The following GLT8D2 variants were observed in gnomAD, a reference collection of about 807,000 sequenced individuals.
GLT8D2 encodes the protein glycosyltransferase 8 domain-containing protein 2.
A neutral mutation model predicts 44.5 loss-of-function variants in GLT8D2; 45 were observed. The observed-to-expected ratio is 1.01, with a 90% CI of 0.80 to 1.30. GLT8D2 has a LOEUF of 1.30. GLT8D2 is among the 50% of genes most tolerant of loss of function. GLT8D2 has a pLI of 0.00. For synonymous variants in GLT8D2, 156 were observed against 157.2 expected (o/e 0.99, Z 0.06); for missense variants, 400 against 430.4 (o/e 0.93, Z 0.62).
intron 1 of GLT8D2, chr12:104,030,864 A>C: frequency 1.1e-5 from 18 of 1,573,880 alleles, no homozygotes; most frequent in Non-Finnish European, 1.4e-5. Context: ...TACGACGCCG[A>C]CCTGAGCCCG....
intron 4 of GLT8D2, among the ~76,000 whole-genome samples, chr12:104,009,493 G>T (rs1280747225): frequency 6.6e-6 from 1 of 152,202 alleles, no homozygotes; most frequent in African/African-American, 2.4e-5. Context: ...CAGGCTCATA[G>T]GCAGAAGGAA....
chr12:104,006,325 ATGTAACAAACCTGCACAT>A (rs1379628419), intron 4 of GLT8D2, among the ~76,000 whole-genome samples: 1 of 152,178 alleles, frequency 6.6e-6, no homozygotes, highest in African/African-American at 2.4e-5. Context: ...GTGTATACAT[ATGTAACAAACCTGCACAT>A]TGTGCACATG....
At chr12:103,993,336 T>C in intron 10 of GLT8D2, 56 bp downstream of exon 10, 1 of 1,368,960 alleles carries the variant, frequency 7.3e-7, no homozygotes, top group Non-Finnish European at 1.0e-6. Flanking sequence ...GTCTCAAAAA[T>C]ACAAAAATAA....
chr12:104,053,006 A>G (rs549346903), upstream of GLT8D2, among the ~76,000 whole-genome samples: 1 of 152,296 alleles, frequency 6.6e-6, no homozygotes, highest in South Asian at 2.1e-4. Context: ...ACAATATCCT[A>G]TGCTCTAAAT....
At chr12:104,024,644 CG>C (rs1345530400) in intron 1 of GLT8D2, among the ~76,000 whole-genome samples, 9 of 152,104 alleles carry the variant, frequency 5.9e-5, no homozygotes, top group African/African-American at 2.2e-4. Context: ...TGATTACTCA[CG>C]TTGAGCATCT....
intron 1 of GLT8D2, among the ~76,000 whole-genome samples, chr12:104,041,243 G>A (rs983689110): frequency 2.0e-5 from 3 of 152,162 alleles, no homozygotes; most frequent in Non-Finnish European, 4.4e-5. Flanking sequence ...GTAAAACGCT[G>A]TCTCTACTAA....
rs761353774 is a variant in GLT8D2 at position 104,019,690 on chromosome 12, GA to G, written c.-28-15del. 18 of 1,573,578 alleles carry G rather than the reference GA, an allele frequency of 1.1e-5. No homozygotes were observed. The highest frequency in any genetic ancestry group is 4.1e-5 in the African/African-American group (3 of 73,580). On this transcript the variant is annotated splice_polypyrimidine_tract_variant and intron_variant, in intron 2 of 10. Coordinates refer to ENST00000360814, the MANE Select transcript of GLT8D2 (RefSeq NM_001384711.1). ...AAGAACTGTAACCTGTGGATTAAAG[GA>G]AAAAAAATCTGTTTAAAGGAGAATC...
At chr12:104,022,011 GAAGAAGAAGAAA>G (rs772039283) in intron 1 of GLT8D2, among the ~76,000 whole-genome samples, 4,241 of 63,292 alleles carry the variant, frequency 0.067, 1,003 homozygotes, top group Admixed American at 0.077. Context: ...AGAAGAAGAA[GAAGAAGAAGAAA>G]AAGAAGAAGA....
At chr12:104,061,919 T>C (rs990138429) in intron 1 of GLT8D2, among the ~76,000 whole-genome samples, 3 of 142,552 alleles carry the variant, frequency 2.1e-5, no homozygotes, top group East Asian at 2.1e-4. Context: ...GAGGTTGCAG[T>C]GAGCCAATAT....
chr12:104,045,938 A>AGAAAGAAAGAAAAT (rs1555281858), intron 1 of GLT8D2, among the ~76,000 whole-genome samples: 1 of 92,046 alleles, frequency 1.1e-5, no homozygotes, highest in East Asian at 6.1e-4. Context: ...AAAGAAAGAA[A>AGAAAGAAAGAAAAT]AAGAAAGAAA....
chr12:104,003,006 G>A (rs1011464428), intron 5 of GLT8D2, 129 bp downstream of exon 5: 5 of 658,568 alleles, frequency 7.6e-6, no homozygotes, highest in African/African-American at 1.9e-5. Context: ...GAGAGAGGGA[G>A]AGAAAGAGAG....
intron 1 of GLT8D2, among the ~76,000 whole-genome samples, chr12:104,036,097 G>A (rs1879900356): frequency 6.6e-6 from 1 of 152,190 alleles, no homozygotes; most frequent in Non-Finnish European, 1.5e-5. Flanking sequence ...ATCCTTTACA[G>A]ACAAGCAGAT....
intron 1 of GLT8D2, among the ~76,000 whole-genome samples, chr12:104,061,196 T>C (rs976383620): frequency 5.3e-5 from 8 of 152,234 alleles, no homozygotes; most frequent in African/African-American, 1.4e-4. Context: ...AGGAAACTAG[T>C]ACACATTTCC....
At chr12:104,060,470 T>A (rs1050952981) in intron 1 of GLT8D2, among the ~76,000 whole-genome samples, 2 of 152,218 alleles carry the variant, frequency 1.3e-5, no homozygotes, top group Non-Finnish European at 2.9e-5. Flanking sequence ...TACTTTGTCA[T>A]AGATTGAATT....
chr12:103,999,961 G>T (rs1873986107), intron 5 of GLT8D2, among the ~76,000 whole-genome samples: 1 of 152,152 alleles, frequency 6.6e-6, no homozygotes. Flanking sequence ...AGGCTGATTT[G>T]AATTTACCTT....
intron 1 of GLT8D2, among the ~76,000 whole-genome samples, chr12:104,023,747 TTG>T (rs755311818): frequency 4.6e-5 from 7 of 152,180 alleles, no homozygotes; most frequent in Non-Finnish European, 8.8e-5. Context: ...CTCTGTAGTT[TTG>T]TCTTTTCCAG....
At chr12:104,004,661 T>C (rs1874723570) in intron 4 of GLT8D2, among the ~76,000 whole-genome samples, 1 of 152,126 alleles carries the variant, frequency 6.6e-6, no homozygotes, top group East Asian at 1.9e-4. Context: ...TACCTAGGAA[T>C]CCAACTTACG....
Position 103,993,427 on chromosome 12 carries a change from G to C in GLT8D2, c.845C>G (p.Ser282Cys). 1 of 1,614,030 alleles carries C rather than the reference G, an allele frequency of 6.2e-7. No individual in the cohort carries two copies. The highest frequency in any genetic ancestry group is 8.5e-7 in the Non-Finnish European group (1 of 1,179,904). Residue 282 changes from serine to cysteine, a missense_variant, in exon 10 of 11, where the codon TCC becomes TGC. Ser to Cys is a moderately radical substitution (Grantham distance 112). Transcript: ENST00000360814. The part of the protein sequence containing the change: ...PMLIVFHGKY[S>C]TINPLWHIRH... Reference sequence around the variant, plus strand: ...TATGTGCCACAGGGGGTTAATTGTGGAATATTTCCCATGAAACACAATCAG... The same window carrying C: ...TATGTGCCACAGGGGGTTAATTGTGCAATATTTCCCATGAAACACAATCAG...
chr12:104,019,608 T>C (rs1877364728), intron 3 of GLT8D2, 22 bp downstream of exon 3: 1 of 1,587,604 alleles, frequency 6.3e-7, no homozygotes, highest in Non-Finnish European at 8.6e-7. Flanking sequence ...TAAATCATTA[T>C]TTTCAAAAGT....
Sources: gnomAD v4.1 joint callset for allele counts (sites outside exome capture counted in the v4.1 genomes callset) on GRCh38, gnomAD v4.1.1 for gene constraint, MANE v1.5 for transcripts, NCBI Gene and HGNC (gene_info 2026-07-23, HGNC 2026-07-21) for gene names.